COBLL1: variants seen among roughly 807,000 people sequenced by gnomAD.
COBLL1 encodes the protein cordon-bleu WH2 repeat protein like 1.
Under a neutral mutation model 94.8 loss-of-function variants are expected in COBLL1, and 50 were observed. The observed-to-expected ratio is 0.53, with a 90% CI of 0.42 to 0.67. The LOEUF is 0.67. Among genes scored for constraint, COBLL1 ranks in the 30% least tolerant of loss-of-function variants. The probability of loss-of-function intolerance (pLI) is 0.00; values close to 1 mark genes in which losing one functional copy is unlikely to be tolerated. For synonymous variants in COBLL1, 448 were observed against 473.8 expected (o/e 0.95, Z 0.71); for missense variants, 1,362 against 1,348.7 (o/e 1.01, Z -0.15).
At position 164,802,597 on chromosome 2, in the gene COBLL1, A is replaced by G. The variant is rs1683866935; in HGVS notation, c.41+38559T>C. Among the ~76,000 whole-genome samples, 3 of 152,176 alleles carry G rather than the reference A, an allele frequency of 2.0e-5. No individual in the cohort carries two copies. The South Asian group carries it at 6.2e-4, about 31-fold the overall frequency. On this transcript the variant is annotated intron_variant, in intron 2 of 13. Transcript: ENST00000652658. ...AGTAGACAGTGTTGACTTTCCAAAT[A>G]AGGTCCATTGGGTGATCTGATAAAG... is the stretch of plus-strand genomic sequence containing the variant.
chr2:164,695,569 G>T lies in COBLL1; in HGVS notation c.1823C>A (p.Pro608His). 6.2e-7 allele frequency: 1 copy of T among 1,613,916 alleles called. No homozygotes were observed. Reference sequence around the variant, plus strand: ...TTTCCCATCAAAACTGTTACAAGAAGGGGTTGTCTGAATTGCTGCATCTTT... The same window carrying T: ...TTTCCCATCAAAACTGTTACAAGAATGGGTTGTCTGAATTGCTGCATCTTT... ...KTKDAAIQTT[P>H]SCNSFDGKHQ... The change falls in exon 12 of 14, where the codon CCT becomes CAT. Residue 608 changes from proline (P) to histidine (H), a missense_variant. Pro to His is a moderately conservative substitution (Grantham distance 77, BLOSUM62 -2). Coordinates refer to ENST00000652658, the MANE Select transcript of COBLL1 (RefSeq NM_001365672.2).
chr2:164,748,689 C>T (rs1686986731), intron 2 of COBLL1, among the ~76,000 whole-genome samples: 1 of 152,168 alleles, frequency 6.6e-6, no homozygotes, highest in African/African-American at 2.4e-5. Flanking sequence ...TCTTTAGAGG[C>T]TTTTCCCCTT....
chr2:164,671,475 C>A (rs1691240364), intron 1 of COBLL1, among the ~76,000 whole-genome samples: 1 of 152,148 alleles, frequency 6.6e-6, no homozygotes, highest in Non-Finnish European at 1.5e-5. Flanking sequence ...ATTACTTCAA[C>A]TAGAACCACA....
At chr2:164,827,923 G>T (rs1312696572) in intron 2 of COBLL1, among the ~76,000 whole-genome samples, 2 of 152,122 alleles carry the variant, frequency 1.3e-5, no homozygotes, top group African/African-American at 2.4e-5. Context: ...CACTTATATA[G>T]TACTCTTAAT....
At chr2:164,703,961 G>C (rs1433415115) in intron 9 of COBLL1, among the ~76,000 whole-genome samples, 8 of 152,146 alleles carry the variant, frequency 5.3e-5, no homozygotes, top group Non-Finnish European at 1.0e-4. Flanking sequence ...TCCTAGAGGA[G>C]AGCCATATAC....
At chr2:164,784,559 C>G (rs1159792654) in intron 2 of COBLL1, among the ~76,000 whole-genome samples, 1 of 152,066 alleles carries the variant, frequency 6.6e-6, no homozygotes, top group East Asian at 1.9e-4. Context: ...GCACTGTGTT[C>G]TCTCTGCAAG....
intron 3 of COBLL1, among the ~76,000 whole-genome samples, chr2:164,733,450 T>C (rs1418754424): frequency 2.0e-5 from 3 of 152,192 alleles, no homozygotes; most frequent in African/African-American, 4.8e-5. Flanking sequence ...GAGAGGCAAC[T>C]GAAAACCACA....
At chr2:164,703,202 A>T (rs2105451779) in intron 9 of COBLL1, 1 of 1,612,772 alleles carries the variant, frequency 6.2e-7, no homozygotes, top group Non-Finnish European at 8.5e-7. Flanking sequence ...CTGACTGGAA[A>T]GCCCAGGGTG....
At chr2:164,818,788 A>ATATATATAT (rs1321512077) in intron 2 of COBLL1, among the ~76,000 whole-genome samples, 3 of 149,704 alleles carry the variant, frequency 2.0e-5, no homozygotes, top group African/African-American at 7.4e-5. Context: ...ATATACATAT[A>ATATATATAT]ATTTTTTTTC....
rs1320615226 is a variant in COBLL1, at chr2:164,694,370, T to C, written c.3022A>G (p.Ser1008Gly). The C allele has an allele frequency of 1.2e-6, 2 of 1,613,902 alleles. No homozygotes were observed. The highest frequency in any genetic ancestry group is 1.7e-6 in the Non-Finnish European group (2 of 1,179,944). Reference sequence around the variant, plus strand: ...GGAGGTTGGACCAATGCACTGGCACTAGGTGACTCGGTGCGCTCTTTACTG... The same window carrying C: ...GGAGGTTGGACCAATGCACTGGCACCAGGTGACTCGGTGCGCTCTTTACTG... ...SFSKERTESP[S>G]ASALVQPPAN... is the part of the protein sequence containing the mutation. Residue 1008 changes from serine (S) to glycine (G), a missense_variant, in exon 12 of 14, where the codon AGT (serine) becomes GGT (glycine). Coordinates refer to ENST00000652658, the MANE Select transcript of COBLL1 (RefSeq NM_001365672.2).
chr2:164,693,429 A>C (rs1284763900), intron 12 of COBLL1, among the ~76,000 whole-genome samples: 1 of 152,166 alleles, frequency 6.6e-6, no homozygotes, highest in Non-Finnish European at 1.5e-5. Context: ...TACTTCTGGA[A>C]CTGTCACACA....
chr2:164,749,375 T>A (rs1687019052), intron 2 of COBLL1, among the ~76,000 whole-genome samples: 1 of 152,160 alleles, frequency 6.6e-6, no homozygotes, highest in South Asian at 2.1e-4. Flanking sequence ...AGTATTGCAG[T>A]CTAAAGACCA....
chr2:164,799,046 TAAGC>T (rs1683628790), intron 2 of COBLL1, among the ~76,000 whole-genome samples: 1 of 103,532 alleles, frequency 9.7e-6, no homozygotes, highest in Non-Finnish European at 2.0e-5. Flanking sequence ...AAAGAGGGGG[TAAGC>T]AAGTGGTTGC....
At chr2:164,674,357 C>A (rs560538298) in intron 1 of COBLL1, among the ~76,000 whole-genome samples, 50 of 152,114 alleles carry the variant, frequency 3.3e-4, no homozygotes, top group Non-Finnish European at 6.5e-4. Context: ...CTGCGCCCAG[C>A]CAAAATTTAC....
Position 164,685,903 on chromosome 2 carries a change from G to A in COBLL1, c.*43C>T, listed in dbSNP as rs1683252471. The A allele has an allele frequency of 1.7e-6, 2 of 1,150,062 alleles. No individual in the cohort carries two copies. The highest frequency in any genetic ancestry group is 2.6e-6 in the Non-Finnish European group (2 of 772,208). 71.2% of individuals were successfully genotyped at this position (1,150,062 alleles called of 1,614,324 possible). On this transcript the variant is annotated 3_prime_UTR_variant, in exon 14 of 14. Coordinates refer to ENST00000652658, the MANE Select transcript of COBLL1 (RefSeq NM_001365672.2). ...AAAATGTTCCATTAGTATGAAGTTG[G>A]TCTGAAGTGGAAGTGAAGTGCAGTG...
At chr2:164,709,585 G>A (rs1047012684) in intron 7 of COBLL1, among the ~76,000 whole-genome samples, 3 of 152,162 alleles carry the variant, frequency 2.0e-5, no homozygotes, top group African/African-American at 7.2e-5. Flanking sequence ...GGGTATGGTG[G>A]TGTGTGCCTG....
In COBLL1 at chr2:164,691,730, T is replaced by C. The variant is rs146722962; in HGVS notation, c.3300+491A>G. ...AACTTTGGCAGGACATTACTAAGAT[T>C]TGAATTTCTGTATTATCTATCATCT... On this transcript the variant is annotated intron_variant, in intron 13 of 13. Coordinates refer to ENST00000652658, the MANE Select transcript of COBLL1 (RefSeq NM_001365672.2). Among the ~76,000 whole-genome samples, 395 of 152,308 alleles carry C rather than the reference T, an allele frequency of 2.6e-3. 3 individuals are homozygous for C. Among genetic ancestry groups the C allele is most frequent in the African/African-American group, 9.1e-3 (379 of 41,592 alleles).
At chr2:164,821,765 T>G (rs1383791333) in intron 2 of COBLL1, among the ~76,000 whole-genome samples, 1 of 152,226 alleles carries the variant, frequency 6.6e-6, no homozygotes, top group African/African-American at 2.4e-5. Context: ...CCTTTTCTAA[T>G]GATTAAGGGC....
intron 2 of COBLL1, among the ~76,000 whole-genome samples, chr2:164,794,697 T>TTCTTA (rs1683351915): frequency 6.6e-6 from 1 of 152,082 alleles, no homozygotes; most frequent in Non-Finnish European, 1.5e-5. Context: ...TTACTGGGGC[T>TTCTTA]CAGTACATAC....
Sources: gnomAD v4.1 joint callset for allele counts (sites outside exome capture counted in the v4.1 genomes callset) on GRCh38, gnomAD v4.1.1 for gene constraint, MANE v1.5 for transcripts, NCBI Gene and HGNC (gene_info 2026-07-23, HGNC 2026-07-21) for gene names.